SHROOM3: variants seen among roughly 807,000 people sequenced by gnomAD.
SHROOM3 encodes the protein protein Shroom3.
A neutral mutation model predicts 138.6 loss-of-function variants in SHROOM3; 47 were observed. The ratio of observed to expected loss-of-function variants is 0.34; its 90% CI spans 0.27 to 0.43. SHROOM3 has a LOEUF of 0.43. Among genes scored for constraint, SHROOM3 ranks in the 20% least tolerant of loss-of-function variants. The pLI, the probability that SHROOM3 is intolerant of heterozygous loss-of-function variation, is 1.00. For missense variants in SHROOM3, 2,491 were observed against 2,596.5 expected (o/e 0.96, Z 0.88); for synonymous variants, 1,062 against 1,063.3 (o/e 1.00, Z 0.02).
intron 2 of SHROOM3, among the ~76,000 whole-genome samples, chr4:76,565,677 C>T (rs534423674): frequency 2.2e-4 from 34 of 152,092 alleles, no homozygotes; most frequent in African/African-American, 5.5e-4. Flanking sequence ...GACAGAGTCT[C>T]GCTTTGTTGC....
At position 76,740,857 on chromosome 4, in the gene SHROOM3, C is replaced by T. The variant is rs760954733; in HGVS notation, c.2684C>T (p.Ser895Phe). Residue 895 changes from serine (S) to phenylalanine (F), a missense_variant, in exon 5 of 11, where the codon TCC becomes TTC. By Grantham distance (155) the Ser-to-Phe change is radical. Around this residue, in one of 4 missense-constraint regions of SHROOM3, gnomAD observed 1,733 missense variants for 1,661.6 expected, o/e 1.04. Transcript: ENST00000296043. This position sits in a 1 kb window ranked among gnomAD's most constrained non-coding sequence, Gnocchi z 4.0. ...LLRSQSTFQL[S>F]SEPEREPEWR... Reference sequence around the variant, plus strand: ...CGTAGCCAGAGCACCTTCCAGCTCTCCAGCGAGCCAGAGAGGGAGCCCGAG... The same window carrying T: ...CGTAGCCAGAGCACCTTCCAGCTCTTCAGCGAGCCAGAGAGGGAGCCCGAG... 2 of 1,563,224 alleles carry T rather than the reference C, an allele frequency of 1.3e-6. No individual in the cohort carries two copies. The highest frequency in any genetic ancestry group is 1.7e-4 in the Middle Eastern group (1 of 5,768).
chr4:76,531,907 CTTT>C (rs11310701), intron 1 of SHROOM3, among the ~76,000 whole-genome samples: 8 of 143,702 alleles, frequency 5.6e-5, no homozygotes, highest in Admixed American at 1.4e-4. Flanking sequence ...CCAAGTTGCT[CTTT>C]TTTTTTTTTT....
chr4:76,578,262 A>C (rs1490447989), intron 2 of SHROOM3, among the ~76,000 whole-genome samples: 1 of 152,186 alleles, frequency 6.6e-6, no homozygotes, highest in African/African-American at 2.4e-5. Context: ...ACCTATTACA[A>C]ACTCAGTTTC....
At chr4:76,703,969 C>A (rs986306269) in intron 2 of SHROOM3, among the ~76,000 whole-genome samples, 9 of 152,206 alleles carry the variant, frequency 5.9e-5, no homozygotes, top group African/African-American at 2.2e-4. Flanking sequence ...AGTCTCCCAA[C>A]TCCCAACTTT....
At chr4:76,495,045 G>T (rs953431108) in intron 1 of SHROOM3, among the ~76,000 whole-genome samples, 1 of 152,214 alleles carries the variant, frequency 6.6e-6, no homozygotes, top group Non-Finnish European at 1.5e-5. Context: ...CACCATCTGG[G>T]AGCTTACAAA....
chr4:76,681,039 A>G (rs767156592), intron 2 of SHROOM3, among the ~76,000 whole-genome samples: 65 of 152,340 alleles, frequency 4.3e-4, no homozygotes, highest in Admixed American at 9.1e-4. Context: ...AAAATAAAGT[A>G]CAGATCTTGA....
intron 2 of SHROOM3, among the ~76,000 whole-genome samples, chr4:76,566,248 G>A (rs114312899): frequency 6.6e-6 from 1 of 151,956 alleles, no homozygotes; most frequent in Admixed American, 6.6e-5. Flanking sequence ...TATTAGGTAG[G>A]ATAAGTAATC....
intron 1 of SHROOM3, among the ~76,000 whole-genome samples, chr4:76,437,100 T>A (rs1470661811): frequency 1.3e-5 from 2 of 152,200 alleles, no homozygotes; most frequent in Non-Finnish European, 2.9e-5. Flanking sequence ...TTACTTTTCA[T>A]ATCCCCAGAA....
At position 76,530,026 on chromosome 4, in the gene SHROOM3, T is replaced by C. The variant is rs1190435534; in HGVS notation, c.169-25583T>C. Among the ~76,000 whole-genome samples, 17 of 152,230 alleles carry C rather than the reference T, an allele frequency of 1.1e-4. 1 individual carries two copies. Among genetic ancestry groups the C allele is most frequent in the Non-Finnish European group, 1.5e-5 (1 of 68,042 alleles). ...ATTAATTTTGTTTGTAGAAATACAC[T>C]GGGCACAATTTGTGCTGGGGGTCCT... On this transcript the variant is annotated intron_variant, in intron 1 of 10. Transcript: ENST00000296043.
At chr4:76,465,880 T>C (rs1439006059) in intron 1 of SHROOM3, among the ~76,000 whole-genome samples, 1 of 152,230 alleles carries the variant, frequency 6.6e-6, no homozygotes, top group Non-Finnish European at 1.5e-5. Flanking sequence ...ATGCCATGCA[T>C]AAAGGGCCTA....
chr4:76,613,679 T>C (rs914221416), intron 2 of SHROOM3, among the ~76,000 whole-genome samples: 3 of 152,156 alleles, frequency 2.0e-5, no homozygotes, highest in African/African-American at 4.8e-5. Context: ...ATAATGTTGA[T>C]AGCAAGGAAG....
chr4:76,597,857 G>T (rs1448019431), intron 2 of SHROOM3, among the ~76,000 whole-genome samples: 3 of 152,136 alleles, frequency 2.0e-5, no homozygotes, highest in Admixed American at 2.0e-4. Flanking sequence ...CGGTGACAAG[G>T]CTAAGACAGC....
intron 1 of SHROOM3, among the ~76,000 whole-genome samples, chr4:76,443,762 T>C (rs966090653): frequency 2.6e-5 from 4 of 152,248 alleles, no homozygotes; most frequent in Middle Eastern, 3.2e-3. Flanking sequence ...GATTCTTTTC[T>C]GCCTTCAGAG....
At chr4:76,459,741 G>A (rs889127894) in intron 1 of SHROOM3, among the ~76,000 whole-genome samples, 1 of 152,120 alleles carries the variant, frequency 6.6e-6, no homozygotes, top group Non-Finnish European at 1.5e-5. Context: ...CTTTGCTAAA[G>A]TAATGTTACA....
intron 5 of SHROOM3, among the ~76,000 whole-genome samples, chr4:76,743,956 C>A (rs1180956585): frequency 1.3e-5 from 2 of 152,176 alleles, no homozygotes; most frequent in Non-Finnish European, 2.9e-5. Context: ...CCCCGTGTTT[C>A]AAAGAAAATA....
chr4:76,751,458 TGA>T (rs968141181), intron 6 of SHROOM3, among the ~76,000 whole-genome samples: 2 of 152,238 alleles, frequency 1.3e-5, no homozygotes, highest in African/African-American at 4.8e-5. Flanking sequence ...TCAAGTTTTA[TGA>T]GAGTTTGATG....
intron 6 of SHROOM3, among the ~76,000 whole-genome samples, chr4:76,752,553 G>A (rs1721661973): frequency 6.6e-6 from 1 of 151,628 alleles, no homozygotes; most frequent in Non-Finnish European, 1.5e-5. Flanking sequence ...AGGATTCCTG[G>A]ATACATATCA....
intron 1 of SHROOM3, among the ~76,000 whole-genome samples, chr4:76,462,038 G>C (rs1424153141): frequency 6.6e-6 from 1 of 152,148 alleles, no homozygotes; most frequent in Non-Finnish European, 1.5e-5. Context: ...GCTTCCACTT[G>C]GCCCTCCTAC....
At chr4:76,661,324 G>A (rs745527018) in intron 2 of SHROOM3, among the ~76,000 whole-genome samples, 19 of 151,908 alleles carry the variant, frequency 1.3e-4, no homozygotes, top group Non-Finnish European at 2.1e-4. Context: ...CCACCTCCTG[G>A]GTTCACGCCA....
Sources: gnomAD v4.1 joint callset for allele counts (sites outside exome capture counted in the v4.1 genomes callset) on GRCh38, gnomAD v4.1.1 for gene constraint, gnomAD v4.1.1 regional missense constraint, Gnocchi (gnomAD v3.1) non-coding constraint, MANE v1.5 for transcripts, NCBI Gene and HGNC (gene_info 2026-07-23, HGNC 2026-07-21) for gene names.